CACHD1: variants seen among roughly 807,000 people sequenced by gnomAD.
The protein encoded by CACHD1 is VWFA and cache domain-containing protein 1.
Under a neutral mutation model 138.7 loss-of-function variants are expected in CACHD1, and 71 were observed. The ratio of observed to expected loss-of-function variants is 0.51; its 90% CI spans 0.42 to 0.62. CACHD1 has a LOEUF of 0.62. Ranked by LOEUF, CACHD1 falls within the 20% of genes least tolerant of loss-of-function variation. CACHD1 has a pLI of 0.00. For missense variants in CACHD1, 1,389 were observed against 1,625.3 expected, an observed-to-expected ratio of 0.85 and a Z score of 2.50; for synonymous variants, 578 against 591.5, an observed-to-expected ratio of 0.98 and a Z score of 0.33.
At chr1:64,623,304 A>T (rs1357630155) in intron 4 of CACHD1, among the ~76,000 whole-genome samples, 1 of 151,956 alleles carries the variant, frequency 6.6e-6, no homozygotes, top group African/African-American at 2.4e-5. Flanking sequence ...CTGAAGGCTG[A>T]GGTGGGAGAA....
At chr1:64,608,703 G>A (rs1483914189) in intron 4 of CACHD1, among the ~76,000 whole-genome samples, 1 of 152,126 alleles carries the variant, frequency 6.6e-6, no homozygotes, top group African/African-American at 2.4e-5. Context: ...TTATATTATG[G>A]TTCTGGTAAT....
At chr1:64,611,180 G>A (rs1211892856) in intron 4 of CACHD1, among the ~76,000 whole-genome samples, 2 of 152,184 alleles carry the variant, frequency 1.3e-5, no homozygotes, top group Non-Finnish European at 2.9e-5. Flanking sequence ...TTCCTCTGAG[G>A]CCTCTGGGCC....
intron 25 of CACHD1, 60 bp downstream of exon 25, chr1:64,681,395 ATTCT>A: frequency 3.1e-6 from 4 of 1,296,712 alleles, no homozygotes; most frequent in Non-Finnish European, 4.5e-6. Context: ...CAGAATAAAT[ATTCT>A]TTCTTATATC....
In CACHD1 at chr1:64,472,173, CTT is replaced by C. The variant is rs775878127; in HGVS notation, c.198+1232_198+1233del. 1.5e-3 allele frequency among the ~76,000 whole-genome samples: 168 copies of C among 113,680 alleles called. 1 individual carries two copies. The highest frequency in any genetic ancestry group is 2.1e-3 in the Non-Finnish European group (116 of 54,602). 74.6% of individuals were successfully genotyped at this position (113,680 alleles called of 152,430 possible). On this transcript the variant is annotated intron_variant, in intron 1 of 26. Transcript: ENST00000651257. The stretch of plus-strand genomic sequence containing the variant: ...TAAGTCACTTTTGGGATTTAGGTTT[CTT>C]ACTTCTTTCTTCTTCGTCGCGTCGT...
intron 1 of CACHD1, among the ~76,000 whole-genome samples, chr1:64,547,784 A>G (rs1646728758): frequency 6.6e-6 from 1 of 152,010 alleles, no homozygotes; most frequent in African/African-American, 2.4e-5. Context: ...GCTCCTCTCC[A>G]TCCCACACCC....
intron 15 of CACHD1, among the ~76,000 whole-genome samples, 174 bp downstream of exon 15, chr1:64,664,853 G>T (rs1649576991): frequency 6.6e-6 from 1 of 152,138 alleles, no homozygotes; most frequent in Non-Finnish European, 1.5e-5. Flanking sequence ...GCTTTGTGGG[G>T]TTTTTTCTAT....
Position 64,602,827 on chromosome 1 carries a change from C to T in CACHD1, c.432C>T (p.Thr144=). Reference sequence around the variant, plus strand: ...TCAGATTCGATGGGAACTTTAATACCAATGTGTCTAGAACAATTAGTTGTG... The same window carrying T: ...TCAGATTCGATGGGAACTTTAATACTAATGTGTCTAGAACAATTAGTTGTG... The part of the protein sequence containing the change: ...SMMEFDGNFN[T]NVSRTISCDR... Residue 144 remains threonine (T), a synonymous_variant, in exon 4 of 27, where the codon ACC becomes ACT. Coordinates refer to ENST00000651257, the MANE Select transcript of CACHD1 (RefSeq NM_020925.4). 6.2e-7 allele frequency: 1 copy of T among 1,612,382 alleles called. No individual in the cohort carries two copies. The highest frequency in any genetic ancestry group is 8.5e-7 in the Non-Finnish European group (1 of 1,178,798).
chr1:64,546,480 G>C (rs1646719290), intron 1 of CACHD1, among the ~76,000 whole-genome samples: 2 of 151,700 alleles, frequency 1.3e-5, no homozygotes, highest in Non-Finnish European at 2.9e-5. Flanking sequence ...ACTACCCGTG[G>C]GTGCCGTCAC....
intron 3 of CACHD1, among the ~76,000 whole-genome samples, chr1:64,600,530 A>T (rs1206455355): frequency 1.3e-5 from 2 of 152,178 alleles, no homozygotes; most frequent in African/African-American, 4.8e-5. Context: ...CCAGAACAGG[A>T]GTAGGTACCC....
Position 64,682,098 on chromosome 1 carries a change from G to C in CACHD1, c.3578G>C (p.Ser1193Thr). The C allele has an allele frequency of 6.2e-7, 1 of 1,614,050 alleles. No individual in the cohort carries two copies. The highest frequency in any genetic ancestry group is 8.5e-7 in the Non-Finnish European group (1 of 1,179,936). ...TACTGGGGTCGATCAGGAACAGAAA[G>C]TGATCATGGTAAGGTCTAGCTTCCT... ...RRYWGRSGTE[S>T]DHGYSTMSPQ... The change falls in exon 26 of 27, where the codon AGT becomes ACT. Residue 1193 changes from serine (S) to threonine (T), a missense_variant. Coordinates refer to ENST00000651257, the MANE Select transcript of CACHD1 (RefSeq NM_020925.4).
chr1:64,571,125 C>T (rs1379109326), intron 2 of CACHD1, among the ~76,000 whole-genome samples: 1 of 152,170 alleles, frequency 6.6e-6, no homozygotes, highest in Non-Finnish European at 1.5e-5. Context: ...AGAAAGTGCT[C>T]CTGCCTCCTA....
At chr1:64,553,067 CGTT>C (rs755589933) in intron 2 of CACHD1, among the ~76,000 whole-genome samples, 1 of 152,138 alleles carries the variant, frequency 6.6e-6, no homozygotes, top group Non-Finnish European at 1.5e-5. Flanking sequence ...ACAGTTGTGT[CGTT>C]GTTATTATCA....
intron 1 of CACHD1, among the ~76,000 whole-genome samples, chr1:64,540,730 A>G (rs545319521): frequency 6.6e-6 from 1 of 152,334 alleles, no homozygotes; most frequent in East Asian, 1.9e-4. Flanking sequence ...TGATTGCTTT[A>G]GATTTTCCCT....
At chr1:64,633,322 T>A (rs1161740304) in intron 6 of CACHD1, among the ~76,000 whole-genome samples, 1 of 152,204 alleles carries the variant, frequency 6.6e-6, no homozygotes, top group East Asian at 1.9e-4. Flanking sequence ...ATTCTAATAT[T>A]TGAGGAAGCA....
At chr1:64,639,289 G>A (rs2100654606) in intron 7 of CACHD1, among the ~76,000 whole-genome samples, 1 of 152,182 alleles carries the variant, frequency 6.6e-6, no homozygotes, top group Non-Finnish European at 1.5e-5. Context: ...TTTTGTTTTT[G>A]TATTTTTCAG....
intron 2 of CACHD1, among the ~76,000 whole-genome samples, chr1:64,568,159 GGTTTT>G (rs940981105): frequency 2.9e-4 from 44 of 152,132 alleles, no homozygotes; most frequent in African/African-American, 8.2e-4. Flanking sequence ...GGGCTATTGG[GGTTTT>G]GTTTTGTTTT....
Position 64,676,965 on chromosome 1 carries a change from C to T in CACHD1, c.3046C>T (p.Leu1016Phe), listed in dbSNP as rs1650013287. The change falls in exon 22 of 27, where the codon CTT (leucine) becomes TTT (phenylalanine). Residue 1016 changes from leucine to phenylalanine, a missense_variant. Transcript: ENST00000651257. The part of the protein sequence containing the change: ...TAIDPGLQDA[L>F]HQCVNSRCSQ... The stretch of plus-strand genomic sequence containing the variant: ...TATTGACCCTGGCCTGCAAGATGCT[C>T]TTCACCAGTGTGTCAACAGCAGGTG... 3.1e-6 allele frequency: 5 copies of T among 1,613,938 alleles called. No homozygotes were observed. Among genetic ancestry groups the T allele is most frequent in the Non-Finnish European group, 4.2e-6 (5 of 1,179,942 alleles).
At chr1:64,656,622 T>G (rs1223757551) in intron 12 of CACHD1, among the ~76,000 whole-genome samples, 1 of 152,142 alleles carries the variant, frequency 6.6e-6, no homozygotes, top group East Asian at 1.9e-4. Flanking sequence ...TTAGTGGGGT[T>G]TTTTTCAACG....
Position 64,658,836 on chromosome 1 carries a change from C to T in CACHD1, c.1914C>T (p.Pro638=). 1 of 1,583,818 alleles carries T rather than the reference C, an allele frequency of 6.3e-7. No individual in the cohort carries two copies. Among genetic ancestry groups the T allele is most frequent in the Non-Finnish European group, 8.6e-7 (1 of 1,162,192 alleles). ...LYHRLDLLGQ[P]SACLHFKQLA... is the part of the protein sequence containing the mutation. The stretch of plus-strand genomic sequence containing the variant: ...ACCGGCTGGATCTCCTTGGCCAGCC[C>T]AGTGCTTGCCTCCACTTCAAACAGC... The change falls in exon 13 of 27, where the codon CCC becomes CCT. Residue 638 remains proline, a synonymous_variant. Coordinates refer to ENST00000651257, the MANE Select transcript of CACHD1 (RefSeq NM_020925.4).
Sources: gnomAD v4.1 joint callset for allele counts (sites outside exome capture counted in the v4.1 genomes callset) on GRCh38, gnomAD v4.1.1 for gene constraint, MANE v1.5 for transcripts, NCBI Gene and HGNC (gene_info 2026-07-23, HGNC 2026-07-21) for gene names.